The following CDC73 variants were observed in gnomAD, a reference collection of about 807,000 sequenced individuals.
CDC73 encodes cell division cycle 73, also known as parafibromin.
Under a neutral mutation model 83.7 loss-of-function variants are expected in CDC73, and 21 were observed. That is an observed-to-expected ratio of 0.25 (90% CI 0.18 to 0.36). CDC73 has a LOEUF of 0.36. Ranked by LOEUF, CDC73 falls within the 10% of genes least tolerant of loss-of-function variation. The pLI, the probability that CDC73 is intolerant of heterozygous loss-of-function variation, is 1.00. For synonymous variants in CDC73, 224 were observed against 212.9 expected (o/e 1.05, Z -0.45); for missense variants, 342 against 653.3 (o/e 0.52, Z 5.19).
intron 10 of CDC73, among the ~76,000 whole-genome samples, chr1:193,172,599 C>T (rs1024415071): frequency 5.3e-5 from 8 of 151,970 alleles, no homozygotes; most frequent in Admixed American, 2.0e-4. Flanking sequence ...TTTGACAACC[C>T]GGGAACCATC....
At chr1:193,158,715 CAG>C (rs764513160) in intron 10 of CDC73, among the ~76,000 whole-genome samples, 5 of 152,036 alleles carry the variant, frequency 3.3e-5, no homozygotes, top group African/African-American at 9.7e-5. Flanking sequence ...TTTCAGGAAA[CAG>C]AGTGGTTCTA....
intron 11 of CDC73, among the ~76,000 whole-genome samples, chr1:193,207,807 C>G (rs55852920): frequency 6.6e-6 from 1 of 152,174 alleles, no homozygotes; most frequent in Non-Finnish European, 1.5e-5. Context: ...GACATACATT[C>G]TCAGTTTACG....
At chr1:193,202,001 A>G (rs1322447739) in intron 10 of CDC73, among the ~76,000 whole-genome samples, 2 of 152,126 alleles carry the variant, frequency 1.3e-5, no homozygotes, top group South Asian at 2.1e-4. Context: ...AGATGTCTGC[A>G]TATATGCCTG....
At chr1:193,159,932 T>C (rs1010624268) in intron 10 of CDC73, among the ~76,000 whole-genome samples, 1 of 152,202 alleles carries the variant, frequency 6.6e-6, no homozygotes, top group East Asian at 1.9e-4. Context: ...GCTAATGTAC[T>C]TCAAGAAAAA....
At chr1:193,236,611 T>C (rs1677763338) in intron 15 of CDC73, among the ~76,000 whole-genome samples, 2 of 152,124 alleles carry the variant, frequency 1.3e-5, no homozygotes, top group Non-Finnish European at 2.9e-5. Context: ...TTAAAAATCA[T>C]TGGCCAGACA....
At chr1:193,156,132 GT>G (rs1206717602) in intron 10 of CDC73, among the ~76,000 whole-genome samples, 2 of 152,154 alleles carry the variant, frequency 1.3e-5, no homozygotes, top group Non-Finnish European at 2.9e-5. Flanking sequence ...ATGAAGGTCT[GT>G]TTTTGTTAGT....
chr1:193,136,495 G>A (rs368871277), intron 5 of CDC73: 2 of 288,174 alleles, frequency 6.9e-6, no homozygotes, highest in South Asian at 5.5e-5. Flanking sequence ...ATTAACTCAT[G>A]TAATCGTATT....
At chr1:193,163,554 C>G (rs763668818) in intron 10 of CDC73, among the ~76,000 whole-genome samples, 5 of 151,934 alleles carry the variant, frequency 3.3e-5, no homozygotes, top group Non-Finnish European at 5.9e-5. Flanking sequence ...AAGAACGTAA[C>G]TATTTAAATA....
chr1:193,135,630 AT>A, intron 5 of CDC73, 41 bp downstream of exon 5: 1 of 1,454,876 alleles, frequency 6.9e-7, no homozygotes, highest in Non-Finnish European at 9.5e-7. Flanking sequence ...TTATATTGTT[AT>A]TGAAATTGGG....
At chr1:193,152,322 T>C (rs1676128197) in intron 9 of CDC73, 58 bp from the exon 10 acceptor site, 1 of 1,053,340 alleles carries the variant, frequency 9.5e-7, no homozygotes, top group Admixed American at 1.7e-5. Context: ...AGATTTGTTA[T>C]AGGTCATAAG....
rs1414092590 is a variant in CDC73, at chr1:193,251,981, A to G, written c.*1269A>G. 1 of 231,384 alleles carries G rather than the reference A, an allele frequency of 4.3e-6. No individual in the cohort carries two copies. The highest frequency in any genetic ancestry group is 2.2e-5 in the African/African-American group (1 of 45,242). 14.3% of individuals were successfully genotyped at this position (231,384 alleles called of 1,614,324 possible). ...CCCAGCAATTTTCTCCTAGGTTAAC[A>G]TATTTTTGGTGAACGTTTAGGCCTT... On this transcript the variant is annotated 3_prime_UTR_variant, in exon 17 of 17. Transcript: ENST00000367435.
At chr1:193,203,151 CTTGAG>C (rs1677120795) in intron 10 of CDC73, among the ~76,000 whole-genome samples, 1 of 152,066 alleles carries the variant, frequency 6.6e-6, no homozygotes, top group African/African-American at 2.4e-5. Context: ...GGCATCTATC[CTTGAG>C]TATATAATTG....
intron 10 of CDC73, among the ~76,000 whole-genome samples, chr1:193,199,363 A>T (rs1391105256): frequency 6.6e-6 from 1 of 152,006 alleles, no homozygotes; most frequent in African/African-American, 2.4e-5. Flanking sequence ...GTTTGAGACC[A>T]ACTTGTGCAA....
chr1:193,194,078 C>T (rs1386183141), intron 10 of CDC73, among the ~76,000 whole-genome samples: 1 of 152,080 alleles, frequency 6.6e-6, no homozygotes, highest in African/African-American at 2.4e-5. Flanking sequence ...TTTTAATTTA[C>T]ATGGAACAAA....
rs375940688 is a variant in CDC73, at chr1:193,240,512, C to CAGCAT, written c.1417+4157_1417+4161dup. On this transcript the variant is annotated intron_variant, in intron 15 of 16. Coordinates refer to ENST00000367435, the MANE Select transcript of CDC73 (RefSeq NM_024529.5). The stretch of plus-strand genomic sequence containing the variant: ...AGTTCCCTTTTCTCTGCATCCTTGC[C>CAGCAT]AGCATCTGTTACTCTGTTTTTAGTA... Among the ~76,000 whole-genome samples the CAGCAT allele has an allele frequency of 3.1e-3, 465 of 152,242 alleles. 4 individuals carry two copies. Among genetic ancestry groups the CAGCAT allele is most frequent in the African/African-American group, 0.011 (449 of 41,536 alleles).
intron 10 of CDC73, among the ~76,000 whole-genome samples, chr1:193,170,114 A>G (rs1291042724): frequency 6.6e-6 from 1 of 152,120 alleles, no homozygotes; most frequent in Non-Finnish European, 1.5e-5. Context: ...ATGTCCCTGC[A>G]AAGGATATGA....
At chr1:193,207,196 G>C (rs1233063398) in intron 11 of CDC73, among the ~76,000 whole-genome samples, 1 of 152,094 alleles carries the variant, frequency 6.6e-6, no homozygotes, top group African/African-American at 2.4e-5. Context: ...TAAAAAGGGA[G>C]GGGTTTTTAT....
chr1:193,162,837 G>A (rs982357428), intron 10 of CDC73, among the ~76,000 whole-genome samples: 3 of 152,056 alleles, frequency 2.0e-5, no homozygotes, highest in African/African-American at 7.2e-5. Flanking sequence ...TCTGTCTTAT[G>A]TGTGGTGCCA....
chr1:193,219,782 G>C (rs1340792413), intron 13 of CDC73, among the ~76,000 whole-genome samples: 1 of 152,152 alleles, frequency 6.6e-6, no homozygotes, highest in African/African-American at 2.4e-5. Flanking sequence ...GTTGTGTACT[G>C]TGCATATTAC....
Sources: allele counts gnomAD v4.1 joint callset (sites outside exome capture counted in the v4.1 genomes callset), GRCh38; gene constraint gnomAD v4.1.1; transcripts MANE v1.5; gene names NCBI Gene and HGNC (gene_info 2026-07-23, HGNC 2026-07-21).